The following PDSS2 variants were observed in gnomAD, a reference collection of about 807,000 sequenced individuals.
PDSS2 encodes all trans-polyprenyl-diphosphate synthase PDSS2.
Under a neutral mutation model 44.5 loss-of-function variants are expected in PDSS2, and 31 were observed. That is an observed-to-expected ratio of 0.70 (90% CI 0.52 to 0.94). PDSS2 has a LOEUF of 0.94. Ranked by LOEUF, PDSS2 falls within the 40% of genes least tolerant of loss-of-function variation. The pLI is 0.00. For missense variants in PDSS2, 452 were observed against 482.2 expected (o/e 0.94, Z 0.59); for synonymous variants, 157 against 180.3 (o/e 0.87, Z 1.03).
chr6:107,260,708 G>T (rs1050161538), intron 3 of PDSS2, among the ~76,000 whole-genome samples: 8 of 138,160 alleles, frequency 5.8e-5, no homozygotes, highest in African/African-American at 2.2e-4. Context: ...CTGACGCCCA[G>T]GCTGGAGTGC....
chr6:107,421,186 T>C (rs1163935105), intron 1 of PDSS2, among the ~76,000 whole-genome samples: 5 of 152,106 alleles, frequency 3.3e-5, no homozygotes, highest in East Asian at 1.9e-4. Context: ...ATACTGACAA[T>C]ACCAAATGCT....
chr6:107,344,262 T>C (rs1245906883), intron 1 of PDSS2, among the ~76,000 whole-genome samples: 1 of 152,156 alleles, frequency 6.6e-6, no homozygotes, highest in Non-Finnish European at 1.5e-5. Context: ...AAACACTCCA[T>C]GAAAATTATT....
chr6:107,168,320 A>G (rs1554247899), intron 7 of PDSS2, among the ~76,000 whole-genome samples: 1 of 151,660 alleles, frequency 6.6e-6, no homozygotes, highest in Non-Finnish European at 1.5e-5. Flanking sequence ...TTTGTTTTCC[A>G]TTTGCTTGGT....
chr6:107,396,497 T>TA (rs553025471), intron 1 of PDSS2, among the ~76,000 whole-genome samples: 3 of 152,262 alleles, frequency 2.0e-5, no homozygotes, highest in Non-Finnish European at 2.9e-5. Context: ...ATTGCCCAGT[T>TA]ATTCAGTTGT....
chr6:107,385,182 T>C (rs1228859619), intron 1 of PDSS2, among the ~76,000 whole-genome samples: 1 of 152,168 alleles, frequency 6.6e-6, no homozygotes, highest in African/African-American at 2.4e-5. Context: ...ATGACCGTAA[T>C]ATAGAAGATA....
intron 3 of PDSS2, chr6:107,264,612 G>A: frequency 1.4e-6 from 1 of 718,400 alleles, no homozygotes; most frequent in East Asian, 2.7e-5. Flanking sequence ...CAAGATGACA[G>A]GTAGTAATCC....
intron 4 of PDSS2, among the ~76,000 whole-genome samples, chr6:107,217,550 TA>T (rs879508744): frequency 3.8e-4 from 53 of 141,062 alleles, no homozygotes; most frequent in Admixed American, 5.7e-4. Context: ...TTCTGACCAA[TA>T]AAAAAAAAAA....
At chr6:107,390,258 G>A (rs552058451) in intron 1 of PDSS2, among the ~76,000 whole-genome samples, 1 of 152,156 alleles carries the variant, frequency 6.6e-6, no homozygotes, top group African/African-American at 2.4e-5. Context: ...CACTACCTTG[G>A]CCAGATGATC....
At chr6:107,389,842 C>T (rs936320115) in intron 1 of PDSS2, among the ~76,000 whole-genome samples, 1 of 151,882 alleles carries the variant, frequency 6.6e-6, no homozygotes, top group Admixed American at 6.6e-5. Context: ...CAAAAAAAAC[C>T]ATAGCTCCTT....
rs896758957 is a variant in PDSS2, at chr6:107,154,906, G to A, written c.1042-129C>T. 2.0e-5 allele frequency: 17 copies of A among 839,840 alleles called. No individual in the cohort carries two copies. The East Asian group carries it at 2.4e-4, about 12-fold the overall frequency. The allele number at this position is 839,840 out of a possible 1,614,324, so 52.0% of individuals were successfully genotyped here. A position where few individuals can be genotyped will look rare whatever the true frequency, so the allele number is the denominator to read the frequency against. ...AGTATAGATTGAGTATTTCTGCTAC[G>A]TTATTTTCTGGAAAAGAGGACATCA... is the stretch of plus-strand genomic sequence containing the variant. On this transcript the variant is annotated intron_variant, in intron 7 of 7. Transcript: ENST00000369037.
intron 2 of PDSS2, among the ~76,000 whole-genome samples, chr6:107,283,076 T>C (rs1484081398): frequency 6.6e-6 from 1 of 151,436 alleles, no homozygotes; most frequent in East Asian, 2.0e-4. Context: ...CCCAACACTT[T>C]AGGAGGCCAA....
chr6:107,424,477 C>G (rs1780926930), intron 1 of PDSS2, among the ~76,000 whole-genome samples: 1 of 152,124 alleles, frequency 6.6e-6, no homozygotes. Flanking sequence ...ATTTGTTGAT[C>G]AACTATAACA....
intron 2 of PDSS2, among the ~76,000 whole-genome samples, chr6:107,317,987 TTTTC>T (rs1777253796): frequency 6.6e-6 from 1 of 152,218 alleles, no homozygotes; most frequent in Non-Finnish European, 1.5e-5. Flanking sequence ...AAATTTTTAA[TTTTC>T]TTTAATTTTG....
chr6:107,368,464 T>C (rs868301554), intron 1 of PDSS2, among the ~76,000 whole-genome samples: 2 of 152,116 alleles, frequency 1.3e-5, no homozygotes, highest in Admixed American at 6.5e-5. Context: ...TTTTTACAGG[T>C]TGGAAGACTC....
At chr6:107,232,298 C>T (rs1386481792) in intron 4 of PDSS2, among the ~76,000 whole-genome samples, 2 of 152,142 alleles carry the variant, frequency 1.3e-5, no homozygotes, top group Non-Finnish European at 2.9e-5. Flanking sequence ...ACTCCTGGCT[C>T]AAGTGATTCT....
intron 1 of PDSS2, among the ~76,000 whole-genome samples, chr6:107,440,855 G>C (rs927114089): frequency 6.6e-6 from 1 of 152,232 alleles, no homozygotes; most frequent in South Asian, 2.1e-4. Context: ...ACTATTTCAT[G>C]TCTATCTAAG....
At chr6:107,395,379 G>A (rs1350766144) in intron 1 of PDSS2, among the ~76,000 whole-genome samples, 1 of 151,834 alleles carries the variant, frequency 6.6e-6, no homozygotes, top group Non-Finnish European at 1.5e-5. Context: ...TTATTTTTCT[G>A]TGCCCACCTT....
chr6:107,361,790 C>T (rs569482035), intron 1 of PDSS2, among the ~76,000 whole-genome samples: 2 of 152,328 alleles, frequency 1.3e-5, no homozygotes, highest in South Asian at 2.1e-4. Flanking sequence ...GTAATTTGAG[C>T]ACTCTGCAAT....
intron 7 of PDSS2, among the ~76,000 whole-genome samples, chr6:107,176,435 C>CACACACACAT (rs1184339096): frequency 9.8e-5 from 2 of 20,460 alleles, no homozygotes; most frequent in African/African-American, 2.4e-4. Flanking sequence ...CACATACACA[C>CACACACACAT]ACACACACAC....
Sources: allele counts gnomAD v4.1 joint callset (sites outside exome capture counted in the v4.1 genomes callset), GRCh38; gene constraint gnomAD v4.1.1; transcripts MANE v1.5; gene names NCBI Gene and HGNC (gene_info 2026-07-23, HGNC 2026-07-21).